Variants in TSHZ3 observed in about 807,000 individuals in gnomAD.
The protein encoded by TSHZ3 is teashirt zinc finger homeobox 3.
TSHZ3 carries 10 observed loss-of-function variants against 64.5 expected under a neutral mutation model. The observed-to-expected ratio is 0.16, with a 90% CI of 0.10 to 0.26. The LOEUF (loss-of-function observed/expected upper bound fraction) is 0.26. TSHZ3 is among the 10% of genes least tolerant of loss of function. TSHZ3 has a pLI of 1.00. For synonymous variants in TSHZ3, 608 were observed against 593.1 expected (o/e 1.03, Z -0.36); for missense variants, 1,242 against 1,421.7 (o/e 0.87, Z 2.03).
At chr19:31,182,384 C>T (rs946355277) in intron 5 of TSHZ3, among the ~76,000 whole-genome samples, 1 of 152,286 alleles carries the variant, frequency 6.6e-6, no homozygotes, top group African/African-American at 2.4e-5. Context: ...CCTAGCTGCG[C>T]CCAGCTGAAG....
intron 4 of TSHZ3, among the ~76,000 whole-genome samples, chr19:31,221,774 A>G (rs1351640943): frequency 1.3e-5 from 2 of 152,182 alleles, no homozygotes; most frequent in African/African-American, 4.8e-5. Context: ...CCCACTAAAT[A>G]TGGTGCACTT....
chr19:31,306,138 A>G (rs1916283810), intron 1 of TSHZ3, among the ~76,000 whole-genome samples: 1 of 152,174 alleles, frequency 6.6e-6, no homozygotes, highest in South Asian at 2.1e-4. Context: ...CCACGAGACG[A>G]CGGCACACCC....
At chr19:31,176,053 G>A (rs554060919) in intron 5 of TSHZ3, among the ~76,000 whole-genome samples, 2 of 152,340 alleles carry the variant, frequency 1.3e-5, no homozygotes, top group East Asian at 3.9e-4. Flanking sequence ...GTTCTGTGTG[G>A]GCTGAAGGAG....
chr19:31,151,940 A>G (rs1166788309), intron 6 of TSHZ3, among the ~76,000 whole-genome samples: 1 of 152,218 alleles, frequency 6.6e-6, no homozygotes, highest in Non-Finnish European at 1.5e-5. Flanking sequence ...TAGTTTAATT[A>G]TTCACACACA....
At chr19:31,305,192 C>CCA (rs1198592999) in intron 1 of TSHZ3, among the ~76,000 whole-genome samples, 1 of 152,000 alleles carries the variant, frequency 6.6e-6, no homozygotes, top group Non-Finnish European at 1.5e-5. Context: ...GCCACCCCCT[C>CCA]CACACACACA....
rs554889214 is a variant in TSHZ3 at position 31,259,633 on chromosome 19, C to T, written n.64-16758G>A. The stretch of plus-strand genomic sequence containing the variant: ...ACCTGTCCCTGGGTATCTGAGCTCA[C>T]TCAATTTTTGCTGGAAATAAAAAAA... On this transcript the variant is annotated intron_variant and non_coding_transcript_variant, in intron 1 of 6. Coordinates refer to the TSHZ3 transcript ENST00000651361. Among the ~76,000 whole-genome samples the T allele has an allele frequency of 1.4e-4, 21 of 151,790 alleles. No homozygotes were observed. In the Middle Eastern group the frequency reaches 0.01, roughly 74 times the overall value.
At chr19:31,165,434 T>C (rs1974435252) in intron 5 of TSHZ3, among the ~76,000 whole-genome samples, 1 of 152,196 alleles carries the variant, frequency 6.6e-6, no homozygotes, top group Non-Finnish European at 1.5e-5. Flanking sequence ...AAAAAGATCT[T>C]TGGGTGGTCT....
At chr19:31,164,032 T>C (rs1974407702) in intron 5 of TSHZ3, among the ~76,000 whole-genome samples, 1 of 152,110 alleles carries the variant, frequency 6.6e-6, no homozygotes, top group Non-Finnish European at 1.5e-5. Context: ...GTGCTTACAG[T>C]GAGCAGGTGG....
exon 7 of TSHZ3, among the ~76,000 whole-genome samples, chr19:31,150,594 A>C (rs1296813726): frequency 6.6e-6 from 1 of 152,138 alleles, no homozygotes; most frequent in Non-Finnish European, 1.5e-5. Flanking sequence ...TGGCTGCCCC[A>C]CTACGGGCAG....
chr19:31,258,083 C>T (rs1975935929), intron 1 of TSHZ3, among the ~76,000 whole-genome samples: 1 of 152,106 alleles, frequency 6.6e-6, no homozygotes, highest in Non-Finnish European at 1.5e-5. Flanking sequence ...TGAGAAGACT[C>T]CCGGAAACAA....
At chr19:31,256,147 G>A (rs928426947) in intron 1 of TSHZ3, among the ~76,000 whole-genome samples, 8 of 152,164 alleles carry the variant, frequency 5.3e-5, no homozygotes, top group Non-Finnish European at 8.8e-5. Flanking sequence ...AGATTATAAA[G>A]TGACTTTCCC....
At chr19:31,205,275 T>A (rs1975150458) in intron 4 of TSHZ3, among the ~76,000 whole-genome samples, 1 of 152,200 alleles carries the variant, frequency 6.6e-6, no homozygotes, top group African/African-American at 2.4e-5. Context: ...ATTTTTATAA[T>A]TTATCATCTA....
chr19:31,210,634 G>A (rs1444540689), intron 4 of TSHZ3, among the ~76,000 whole-genome samples: 3 of 152,140 alleles, frequency 2.0e-5, no homozygotes, highest in South Asian at 2.1e-4. Context: ...TGGATCTAAC[G>A]AGTGAGAGGA....
intron 5 of TSHZ3, among the ~76,000 whole-genome samples, chr19:31,179,488 G>A (rs1191797942): frequency 6.6e-6 from 1 of 152,230 alleles, no homozygotes; most frequent in Non-Finnish European, 1.5e-5. Context: ...GGAGTACAGA[G>A]CAGGGTGGAG....
chr19:31,153,712 TG>T (rs1431875322), intron 6 of TSHZ3, among the ~76,000 whole-genome samples: 2 of 152,256 alleles, frequency 1.3e-5, no homozygotes, highest in Non-Finnish European at 2.9e-5. Flanking sequence ...AAACAGTGCC[TG>T]GCTCAGAGTG....
chr19:31,293,000 T>A (rs879307042), intron 1 of TSHZ3, among the ~76,000 whole-genome samples: 1 of 150,334 alleles, frequency 6.7e-6, no homozygotes, highest in Non-Finnish European at 1.5e-5. Context: ...CAAAAATTCA[T>A]CCATTCAAAA....
chr19:31,163,019 A>C (rs1016532646), intron 5 of TSHZ3, among the ~76,000 whole-genome samples: 1 of 152,232 alleles, frequency 6.6e-6, no homozygotes, highest in Non-Finnish European at 1.5e-5. Flanking sequence ...TGTTCTTAAC[A>C]TTCCTAGGAG....
chr19:31,164,128 A>C (rs6510187), intron 5 of TSHZ3, among the ~76,000 whole-genome samples: 117,781 of 152,010 alleles, frequency 0.77, 46,399 homozygotes, highest in African/African-American at 0.93. Flanking sequence ...GGACAGCCAG[A>C]GGTCTAGAGG....
chr19:31,207,930 A>T (rs946198931), intron 4 of TSHZ3, among the ~76,000 whole-genome samples: 1 of 152,226 alleles, frequency 6.6e-6, no homozygotes, highest in Non-Finnish European at 1.5e-5. Flanking sequence ...ATGCCAAGCC[A>T]TGGAATGGAC....
Sources: allele counts gnomAD v4.1 joint callset (sites outside exome capture counted in the v4.1 genomes callset), GRCh38; gene constraint gnomAD v4.1.1; transcripts MANE v1.5; gene names NCBI Gene and HGNC (gene_info 2026-07-23, HGNC 2026-07-21).